Variants in CCDC82 observed in about 807,000 individuals in gnomAD.
CCDC82 encodes coiled-coil domain containing 82.
A neutral mutation model predicts 60.6 loss-of-function variants in CCDC82; 47 were observed. That is an observed-to-expected ratio of 0.77 (90% CI 0.61 to 0.99). The LOEUF (loss-of-function observed/expected upper bound fraction) is 0.99, where lower values mean the gene tolerates loss of function less well. Among genes scored for constraint, CCDC82 ranks in the 50% least tolerant of loss-of-function variants. The pLI, the probability that CCDC82 is intolerant of heterozygous loss-of-function variation, is 0.00. For missense variants in CCDC82, 588 were observed against 633.0 expected (o/e 0.93, Z 0.76); for synonymous variants, 212 against 207.4 (o/e 1.02, Z -0.19).
intron 2 of CCDC82, chr11:96,387,251 G>A (rs1411746312): frequency 3.3e-5 from 5 of 152,114 alleles, no homozygotes; most frequent in African/African-American, 1.2e-4. Context: ...GTACCCAAAA[G>A]CAAATTCATA....
rs1240582345 is a variant in CCDC82, at chr11:96,359,402, G to A, written c.1381-224C>T. On this transcript the variant is annotated intron_variant, in intron 8 of 9. Transcript: ENST00000646818. Reference sequence around the variant, plus strand: ...ATATATAAATAAAATACCTATTACCGGTATTAGGGAGCTTACAGTTTTGAG... The same window carrying A: ...ATATATAAATAAAATACCTATTACCAGTATTAGGGAGCTTACAGTTTTGAG... 14 of 384,948 alleles carry A rather than the reference G, an allele frequency of 3.6e-5. No homozygotes were observed. In the East Asian group the frequency reaches 4.8e-4, roughly 13 times the overall value. 23.8% of individuals were successfully genotyped at this position (384,948 alleles called of 1,614,324 possible).
chr11:96,355,650 T>TA (rs1278906065), intron 9 of CCDC82: 1 of 152,126 alleles, frequency 6.6e-6, no homozygotes, highest in Non-Finnish European at 1.5e-5. Context: ...TTAACCAGTT[T>TA]AGAGTATGCT....
At position 96,383,475 on chromosome 11, in the gene CCDC82, T is replaced by TAATTA. The variant is rs543839244; in HGVS notation, c.787-7_787-3dup. The TAATTA allele has an allele frequency of 1.5e-4, 236 of 1,572,248 alleles. No homozygotes were observed. The African/African-American group carries it at 2.1e-3, about 14-fold the overall frequency. The stretch of plus-strand genomic sequence containing the variant: ...TGGGCAAGATTCCTTTTCAGAGTCC[T>TAATTA]AATTAAATTAAAATAAATGCTTCAG... On this transcript the variant is annotated splice_polypyrimidine_tract_variant and splice_region_variant and intron_variant, in intron 4 of 9. Transcript: ENST00000646818.
At chr11:96,364,909 G>C in intron 8 of CCDC82, 71 bp downstream of exon 8, 6 of 1,412,032 alleles carry the variant, frequency 4.2e-6, no homozygotes, top group Non-Finnish European at 5.8e-6. Flanking sequence ...ATTTTCCTTA[G>C]GATACTTAGG....
chr11:96,357,911 G>A (rs1471383774), intron 9 of CCDC82: 1 of 985,276 alleles, frequency 1.0e-6, no homozygotes, highest in Non-Finnish European at 1.2e-6. Context: ...AGAATAAAAT[G>A]AGAGAAAGAC....
At chr11:96,369,920 C>CT (rs1225621489) in intron 7 of CCDC82, among the ~76,000 whole-genome samples, 1 of 152,162 alleles carries the variant, frequency 6.6e-6, no homozygotes, top group Non-Finnish European at 1.5e-5. Context: ...TGTGCCTGTA[C>CT]TTTATCTTCA....
intron 5 of CCDC82, chr11:96,381,450 T>C (rs1865874518): frequency 1.3e-5 from 2 of 151,742 alleles, no homozygotes; most frequent in African/African-American, 4.8e-5. Flanking sequence ...TCAAGTCATG[T>C]CACACTTTAT....
intron 5 of CCDC82, among the ~76,000 whole-genome samples, chr11:96,379,787 T>C (rs1722537766): frequency 6.6e-6 from 1 of 151,768 alleles, no homozygotes; most frequent in African/African-American, 2.4e-5. Context: ...CAATCTTCAA[T>C]AAGATAAAAA....
At chr11:96,380,125 G>GT (rs1218087191) in intron 5 of CCDC82, among the ~76,000 whole-genome samples, 1 of 151,642 alleles carries the variant, frequency 6.6e-6, no homozygotes, top group African/African-American at 2.4e-5. Context: ...AATTAGGAGG[G>GT]TATCAATAAC....
intron 8 of CCDC82, among the ~76,000 whole-genome samples, chr11:96,361,566 C>T (rs535856542): frequency 2.6e-5 from 4 of 152,108 alleles, no homozygotes; most frequent in Non-Finnish European, 5.9e-5. Context: ...TGTAAAATTT[C>T]ACAGAAAACA....
chr11:96,381,041 C>T (rs751091810), intron 5 of CCDC82: 14 of 151,474 alleles, frequency 9.2e-5, no homozygotes, highest in Admixed American at 8.6e-4. Flanking sequence ...AAACTGTGTA[C>T]GTGAGGAAGT....
At chr11:96,368,662 C>T (rs920391776) in intron 7 of CCDC82, among the ~76,000 whole-genome samples, 1 of 151,978 alleles carries the variant, frequency 6.6e-6, no homozygotes, top group African/African-American at 2.4e-5. Context: ...GTCAGGAGAT[C>T]GAGACCATCC....
At chr11:96,356,748 C>T (rs1229939620) in intron 9 of CCDC82, 19 of 981,294 alleles carry the variant, frequency 1.9e-5, no homozygotes, top group Admixed American at 6.2e-5. Context: ...ACATTAAAAA[C>T]GGATCACCCT....
chr11:96,388,278 C>T (rs1170100863), intron 1 of CCDC82: 1 of 152,154 alleles, frequency 6.6e-6, no homozygotes, highest in Non-Finnish European at 1.5e-5. Flanking sequence ...TCAGAATCTA[C>T]TCAAAAGAGA....
At chr11:96,363,905 T>C (rs1038863242) in intron 8 of CCDC82, 7 of 152,218 alleles carry the variant, frequency 4.6e-5, no homozygotes, top group Non-Finnish European at 8.8e-5. Context: ...AGTTTTCTCT[T>C]ACGTGACTGG....
chr11:96,359,127 GT>G lies in CCDC82; in HGVS notation c.1431del (p.Lys477AsnfsTer2). 5 of 1,596,904 alleles carry G rather than the reference GT, an allele frequency of 3.1e-6. No homozygotes were observed. Among genetic ancestry groups the G allele is most frequent in the Non-Finnish European group, 4.3e-6 (5 of 1,175,402 alleles). ...TATAGTTTGAATTTAAAATGTTTCA[GT>G]TTATGATAAATTCTGGTACGGCTGG... ...ICASRTRIYHKLKHFKFKLYQ... is the reference protein window; with the variant it reads ...ICASRTRIYHXLKHFKFKLYQ... On this transcript the variant is annotated frameshift_variant, in exon 9 of 10. Transcript: ENST00000646818. LOFTEE classifies it high-confidence loss of function.
At chr11:96,353,798 GAT>G (rs1276046573) in intron 9 of CCDC82, 84 bp from the exon 10 acceptor site, 1 of 860,008 alleles carries the variant, frequency 1.2e-6, no homozygotes, top group Non-Finnish European at 1.9e-6. Flanking sequence ...ACACAATTAG[GAT>G]AAGTCCATTT....
chr11:96,369,437 A>T (rs931282555), intron 7 of CCDC82, among the ~76,000 whole-genome samples: 5 of 152,154 alleles, frequency 3.3e-5, no homozygotes, highest in African/African-American at 9.7e-5. Context: ...TTTCACTTGA[A>T]CGATCAGAGG....
At chr11:96,389,086 GTTC>G (rs1421267438) in intron 1 of CCDC82, 2 of 152,168 alleles carry the variant, frequency 1.3e-5, no homozygotes, top group Non-Finnish European at 2.9e-5. Context: ...ATTTATCATA[GTTC>G]TTCTATTGGC....
Sources: allele counts gnomAD v4.1 joint callset (sites outside exome capture counted in the v4.1 genomes callset), GRCh38; gene constraint gnomAD v4.1.1; transcripts MANE v1.5; gene names NCBI Gene and HGNC (gene_info 2026-07-23, HGNC 2026-07-21).